TBC1D14: variants seen among roughly 807,000 people sequenced by gnomAD.
TBC1D14 encodes TBC1 domain family, member 14.
Under a neutral mutation model 79.0 loss-of-function variants are expected in TBC1D14, and 26 were observed. That is an observed-to-expected ratio of 0.33 (90% CI 0.24 to 0.46). The LOEUF is 0.46. TBC1D14 is among the 20% of genes least tolerant of loss of function. The pLI is 1.00. For missense variants in TBC1D14, 769 were observed against 887.6 expected, an observed-to-expected ratio of 0.87 and a Z score of 1.70; for synonymous variants, 394 against 349.9, an observed-to-expected ratio of 1.13 and a Z score of -1.40.
intron 3 of TBC1D14, among the ~76,000 whole-genome samples, chr4:6,969,962 C>A (rs988415048): frequency 3.3e-5 from 5 of 152,144 alleles, no homozygotes; most frequent in Non-Finnish European, 7.3e-5. Context: ...CTTGGTGAAG[C>A]CTGGGAGGGG....
intron 1 of TBC1D14, among the ~76,000 whole-genome samples, chr4:6,916,562 CAG>C (rs1165356872): frequency 6.6e-6 from 1 of 152,172 alleles, no homozygotes; most frequent in East Asian, 1.9e-4. Context: ...AAGCCCCACG[CAG>C]AGTCACTAGC....
chr4:6,953,003 A>G (rs1439660164), intron 2 of TBC1D14, among the ~76,000 whole-genome samples: 9 of 145,612 alleles, frequency 6.2e-5, no homozygotes, highest in Non-Finnish European at 1.3e-4. Context: ...TGTCACGCCT[A>G]GCTAACTATT....
chr4:6,913,237 C>T (rs1723141916), intron 1 of TBC1D14, among the ~76,000 whole-genome samples: 1 of 152,214 alleles, frequency 6.6e-6, no homozygotes, highest in South Asian at 2.1e-4. Flanking sequence ...TCAGGTGATC[C>T]ACCTGCCTGG....
At chr4:7,025,345 T>C in intron 13 of TBC1D14, 83 bp downstream of exon 13, 4 of 1,567,960 alleles carry the variant, frequency 2.6e-6, no homozygotes, top group Non-Finnish European at 3.5e-6. Flanking sequence ...TAAAGTGCTG[T>C]CTGAGGACGT....
chr4:6,930,962 G>A (rs559523147), intron 2 of TBC1D14, among the ~76,000 whole-genome samples: 104 of 152,204 alleles, frequency 6.8e-4, no homozygotes, highest in South Asian at 3.5e-3. Context: ...GTGCAGTGGT[G>A]TCATCTCGGC....
chr4:6,988,379 C>T (rs535601249), intron 3 of TBC1D14, among the ~76,000 whole-genome samples: 3 of 152,226 alleles, frequency 2.0e-5, no homozygotes, highest in Non-Finnish European at 4.4e-5. Flanking sequence ...ATTTAATCTT[C>T]AAGTGTAACA....
At chr4:6,968,346 A>G (rs915835563) in intron 3 of TBC1D14, among the ~76,000 whole-genome samples, 1 of 152,204 alleles carries the variant, frequency 6.6e-6, no homozygotes, top group Non-Finnish European at 1.5e-5. Flanking sequence ...AAGGTGTGAC[A>G]GGAAATTAAT....
chr4:7,009,871 T>C lies in TBC1D14; in HGVS notation c.1447-6T>C, dbSNP rs774295483. The C allele has an allele frequency of 6.2e-7, 1 of 1,614,058 alleles. No homozygotes were observed. The highest frequency in any genetic ancestry group is 8.5e-7 in the Non-Finnish European group (1 of 1,179,936). On this transcript the variant is annotated splice_region_variant and splice_polypyrimidine_tract_variant and intron_variant, in intron 9 of 13. Coordinates refer to ENST00000409757, the MANE Select transcript of TBC1D14 (RefSeq NM_020773.3). ...TGTGTTGTTTTTGCTGTGTTGATCC[T>C]TTTAGGGTGGTCCATATCATGACAT...
At chr4:6,980,229 G>C (rs1717239795) in intron 3 of TBC1D14, among the ~76,000 whole-genome samples, 1 of 152,114 alleles carries the variant, frequency 6.6e-6, no homozygotes, top group Non-Finnish European at 1.5e-5. Context: ...TATTAGACTA[G>C]AAAACAGTGA....
At chr4:7,024,831 T>A (rs1722183936) in intron 12 of TBC1D14, among the ~76,000 whole-genome samples, 173 bp from the exon 13 acceptor site, 1 of 152,180 alleles carries the variant, frequency 6.6e-6, no homozygotes, top group African/African-American at 2.4e-5. Flanking sequence ...TAGTGCTGTG[T>A]CCTGAGCGAT....
chr4:6,999,114 C>T lies in TBC1D14; in HGVS notation c.1075C>T (p.Gln359Ter). The T allele has an allele frequency of 6.2e-7, 1 of 1,614,180 alleles. No individual in the cohort carries two copies. Among genetic ancestry groups the T allele is most frequent in the Non-Finnish European group, 8.5e-7 (1 of 1,180,006 alleles). Reference sequence around the variant, plus strand: ...GAAAGAAGCCCAGCGAAGGAAGAAGCAGCTGGAAGAAAGATGCAGAGTCGA... The same window carrying T: ...GAAAGAAGCCCAGCGAAGGAAGAAGTAGCTGGAAGAAAGATGCAGAGTCGA... Reference protein sequence around the residue: ...ELKEAQRRKKQLEERCRVEES... With the variant: ...ELKEAQRRKK The change falls in exon 6 of 14, where the codon CAG (glutamine) becomes TAG (stop). Residue 359 changes from glutamine (Q) to a stop codon, truncating the protein, a stop_gained. Transcript: ENST00000409757. LOFTEE classifies it high-confidence loss of function.
intron 2 of TBC1D14, among the ~76,000 whole-genome samples, chr4:6,959,618 T>C (rs145728882): frequency 3.9e-4 from 60 of 152,330 alleles, no homozygotes; most frequent in African/African-American, 1.4e-3. Context: ...CAGCGCTCCA[T>C]GCAGCCCCTT....
At chr4:6,936,342 ACTGATCTTTTTACTGT>A (rs1413526566) in intron 2 of TBC1D14, among the ~76,000 whole-genome samples, 1 of 152,180 alleles carries the variant, frequency 6.6e-6, no homozygotes, top group East Asian at 1.9e-4. Flanking sequence ...CCTGGAAACT[ACTGATCTTTTTACTGT>A]CTCCATATTT....
At position 7,005,592 on chromosome 4, in the gene TBC1D14, G is replaced by A. The variant is rs538748576; in HGVS notation, c.1351+668G>A. Among the ~76,000 whole-genome samples the A allele has an allele frequency of 2.4e-4, 36 of 152,110 alleles. No homozygotes were observed. In the South Asian group the frequency reaches 6.7e-3, roughly 28 times the overall value. ...TGTGCACCTGTAATCCCACCTACTC[G>A]GGAGGCTGAGGAAGGAGAATCGCTT... On this transcript the variant is annotated intron_variant, in intron 8 of 13. Coordinates refer to ENST00000409757, the MANE Select transcript of TBC1D14 (RefSeq NM_020773.3).
intron 8 of TBC1D14, 63 bp downstream of exon 8, chr4:7,004,987 A>C: frequency 6.8e-7 from 1 of 1,461,490 alleles, no homozygotes; most frequent in Admixed American, 1.7e-5. Context: ...TCTTTATTAC[A>C]TAGTGAAGAA....
At chr4:7,027,730 C>A (rs1237467150) in intron 13 of TBC1D14, among the ~76,000 whole-genome samples, 3 of 126,760 alleles carry the variant, frequency 2.4e-5, no homozygotes, top group African/African-American at 6.0e-5. Flanking sequence ...CAATCACCCC[C>A]CACACATCAC....
chr4:6,925,522 A>C (rs1577467347), intron 2 of TBC1D14, among the ~76,000 whole-genome samples: 1 of 152,144 alleles, frequency 6.6e-6, no homozygotes, highest in Admixed American at 6.5e-5. Context: ...TGCTTCATCA[A>C]CTAAAGGGGA....
At position 7,030,404 on chromosome 4, in the gene TBC1D14, G is replaced by C; in HGVS notation, c.*12G>C. The C allele has an allele frequency of 6.2e-7, 1 of 1,613,760 alleles. No homozygotes were observed. The highest frequency in any genetic ancestry group is 1.1e-5 in the South Asian group (1 of 91,084). On this transcript the variant is annotated 3_prime_UTR_variant, in exon 14 of 14. Transcript: ENST00000409757. ...CCCTCCGACACTGAGGCTGCAGCGG[G>C]AATTCGCACTCGGCACCAATCAGAG...
chr4:6,912,397 A>T (rs1355577111), intron 1 of TBC1D14, among the ~76,000 whole-genome samples: 6 of 151,314 alleles, frequency 4.0e-5, no homozygotes, highest in African/African-American at 1.5e-4. Context: ...AAAATAAAAT[A>T]AAAAAAATAA....
Sources: allele counts gnomAD v4.1 joint callset (sites outside exome capture counted in the v4.1 genomes callset), GRCh38; gene constraint gnomAD v4.1.1; transcripts MANE v1.5; gene names NCBI Gene and HGNC (gene_info 2026-07-23, HGNC 2026-07-21).